The following ABCA13 variants were observed in gnomAD, a reference collection of about 807,000 sequenced individuals.
The protein encoded by ABCA13 is ATP binding cassette subfamily A member 13.
A neutral mutation model predicts 478.7 loss-of-function variants in ABCA13; 476 were observed. The observed-to-expected ratio is 0.99, with a 90% CI of 0.92 to 1.07. The LOEUF (loss-of-function observed/expected upper bound fraction) is 1.07, where lower values mean the gene tolerates loss of function less well. Among genes scored for constraint, ABCA13 ranks in the 50% least tolerant of loss-of-function variants. The pLI, the probability that ABCA13 is intolerant of heterozygous loss-of-function variation, is 0.00. For synonymous variants in ABCA13, 2,252 were observed against 2,158.9 expected, an observed-to-expected ratio of 1.04 and a Z score of -1.20; for missense variants, 6,060 against 5,910.6, an observed-to-expected ratio of 1.03 and a Z score of -0.83.
At chr7:48,602,488 C>T (rs1409776917) in intron 58 of ABCA13, among the ~76,000 whole-genome samples, 2 of 152,140 alleles carry the variant, frequency 1.3e-5, no homozygotes, top group Non-Finnish European at 2.9e-5. Context: ...GGAATTCTTT[C>T]CCCATTGCTT....
At chr7:48,190,618 A>G (rs1314607170) in intron 1 of ABCA13, among the ~76,000 whole-genome samples, 1 of 152,188 alleles carries the variant, frequency 6.6e-6, no homozygotes, top group Admixed American at 6.5e-5. Context: ...TAAAAGAAAA[A>G]CAACCTCATG....
intron 18 of ABCA13, 31 bp from the exon 19 acceptor site, chr7:48,281,312 T>C (rs1244559601): frequency 1.2e-5 from 18 of 1,551,620 alleles, no homozygotes; most frequent in Non-Finnish European, 1.6e-5. Flanking sequence ...TTTTTACCCT[T>C]TTATGTCATT....
At position 48,643,293 on chromosome 7, in the gene ABCA13, G is replaced by A. The variant is rs267601533; in HGVS notation, c.14843G>A (p.Gly4948Asp). Residue 4948 changes from glycine to aspartate, a missense_variant, in exon 60 of 62, where the codon GGT becomes GAT. By Grantham distance (94) the Gly-to-Asp change is moderately conservative (BLOSUM62 -1). This residue lies in a region of ABCA13 where 1,627 missense variants were observed against 1,571.0 expected (regional missense o/e 1.04). Transcript: ENST00000435803. ...CTATTTTATTTAACTCTCAGGTTTG[G>A]TGATGGTTATACAGTCAAAGTTTGG... is the stretch of plus-strand genomic sequence containing the variant. ...GSPQHIKNRF[G>D]DGYTVKVWLC... 1 of 1,598,098 alleles carries A rather than the reference G, an allele frequency of 6.3e-7. No homozygotes were observed. Among genetic ancestry groups the A allele is most frequent in the Non-Finnish European group, 8.5e-7 (1 of 1,171,834 alleles).
At chr7:48,579,094 C>A (rs1007171606) in intron 55 of ABCA13, among the ~76,000 whole-genome samples, 1 of 152,102 alleles carries the variant, frequency 6.6e-6, no homozygotes, top group Non-Finnish European at 1.5e-5. Context: ...TTTTTAGAGA[C>A]AATATCAAAA....
chr7:48,600,739 C>G (rs1461714103), intron 58 of ABCA13, among the ~76,000 whole-genome samples: 1 of 151,944 alleles, frequency 6.6e-6, no homozygotes, highest in African/African-American at 2.4e-5. Context: ...TCCAATAAGG[C>G]ATATTTTAAG....
rs577955987 is a variant in ABCA13 at position 48,271,805 on chromosome 7, G to A, written c.2139G>A (p.Lys713=). The part of the protein sequence containing the change: ...ASISRALNFT[K]HLLMMEKKLH... ...ATTACAGGGCTTTAAATTTCACAAA[G>A]CACCTTCTAATGATGGAAAAGAAGT... Residue 713 remains lysine, a synonymous_variant, in exon 17 of 62, where the codon AAG becomes AAA. Transcript: ENST00000435803. 16 of 1,511,314 alleles carry A rather than the reference G, an allele frequency of 1.1e-5. No homozygotes were observed. In the East Asian group the frequency reaches 3.4e-4, roughly 33 times the overall value. 93.6% of individuals were successfully genotyped at this position (1,511,314 alleles called of 1,614,324 possible). A position where few individuals can be genotyped will look rare whatever the true frequency, so the allele number is the denominator to read the frequency against.
chr7:48,517,157 G>A (rs974158147), intron 52 of ABCA13, among the ~76,000 whole-genome samples: 4 of 152,122 alleles, frequency 2.6e-5, no homozygotes, highest in Admixed American at 6.5e-5. Context: ...GTTCACTGCC[G>A]CATCCCTAGC....
intron 29 of ABCA13, among the ~76,000 whole-genome samples, chr7:48,347,083 T>G (rs762157422): frequency 1.3e-5 from 2 of 152,158 alleles, no homozygotes; most frequent in Non-Finnish European, 2.9e-5. Context: ...GCATACCCCA[T>G]AAGTACCAGT....
chr7:48,286,949 T>C (rs1221138019), intron 19 of ABCA13, among the ~76,000 whole-genome samples: 1 of 152,094 alleles, frequency 6.6e-6, no homozygotes, highest in Non-Finnish European at 1.5e-5. Flanking sequence ...ATCTAGGAGG[T>C]ACAAAGCCCT....
At chr7:48,548,667 A>T (rs990589353) in intron 55 of ABCA13, among the ~76,000 whole-genome samples, 3 of 151,458 alleles carry the variant, frequency 2.0e-5, no homozygotes, top group Non-Finnish European at 3.0e-5. Flanking sequence ...TTTAGTTAAT[A>T]TATTGTTTGA....
At chr7:48,475,159 A>G (rs904322908) in intron 45 of ABCA13, among the ~76,000 whole-genome samples, 1 of 152,184 alleles carries the variant, frequency 6.6e-6, no homozygotes, top group Non-Finnish European at 1.5e-5. Context: ...TTCGGGATGC[A>G]CTTTGAGAAA....
intron 43 of ABCA13, among the ~76,000 whole-genome samples, chr7:48,466,615 T>C (rs1408993265): frequency 6.6e-6 from 1 of 152,214 alleles, no homozygotes; most frequent in African/African-American, 2.4e-5. Context: ...TATGATATTA[T>C]GTAGCCTTTA....
chr7:48,568,666 G>C (rs759276824), intron 55 of ABCA13, among the ~76,000 whole-genome samples: 16 of 152,004 alleles, frequency 1.1e-4, no homozygotes, highest in Admixed American at 3.3e-4. Flanking sequence ...TTTTGAAATA[G>C]TCTAGAAGCA....
At chr7:48,215,510 C>T (rs1478513569) in intron 3 of ABCA13, among the ~76,000 whole-genome samples, 1 of 152,126 alleles carries the variant, frequency 6.6e-6, no homozygotes, top group Admixed American at 6.6e-5. Flanking sequence ...TGAGCACATG[C>T]TGTTGGAGAA....
At chr7:48,556,796 C>T (rs1785880591) in intron 55 of ABCA13, among the ~76,000 whole-genome samples, 1 of 151,684 alleles carries the variant, frequency 6.6e-6, no homozygotes, top group South Asian at 2.1e-4. Context: ...GTTTTGTCAA[C>T]TTACACTCAA....
chr7:48,171,807 C>T (rs1794103154), intron 1 of ABCA13, among the ~76,000 whole-genome samples: 1 of 152,082 alleles, frequency 6.6e-6, no homozygotes, highest in Non-Finnish European at 1.5e-5. Context: ...TAAAAACAAA[C>T]AAACAAAAAA....
chr7:48,280,066 G>A (rs776056536), intron 18 of ABCA13, 146 bp downstream of exon 18: 2 of 765,470 alleles, frequency 2.6e-6, no homozygotes, highest in Admixed American at 7.6e-5. Flanking sequence ...TCAACATAGA[G>A]CAATTCAGGT....
intron 56 of ABCA13, among the ~76,000 whole-genome samples, chr7:48,586,897 C>T (rs1318711328): frequency 1.3e-5 from 2 of 152,044 alleles, no homozygotes; most frequent in Admixed American, 1.3e-4. Context: ...TGTTTCTTGC[C>T]CACCCTTCTC....
intron 44 of ABCA13, 118 bp downstream of exon 44, chr7:48,467,163 ATG>A: frequency 9.7e-7 from 1 of 1,032,356 alleles, no homozygotes; most frequent in Non-Finnish European, 1.5e-6. Context: ...GTTATAAAAA[ATG>A]AAAATTAGCC....
Sources: gnomAD v4.1 joint callset for allele counts (sites outside exome capture counted in the v4.1 genomes callset) on GRCh38, gnomAD v4.1.1 for gene constraint, gnomAD v4.1.1 regional missense constraint, MANE v1.5 for transcripts, NCBI Gene and HGNC (gene_info 2026-07-23, HGNC 2026-07-21) for gene names.